The following BOLL variants were observed in gnomAD, a reference collection of about 807,000 sequenced individuals.
BOLL encodes protein boule-like.
A neutral mutation model predicts 44.4 loss-of-function variants in BOLL; 23 were observed. The observed-to-expected ratio is 0.52, with a 90% CI of 0.37 to 0.73. BOLL has a LOEUF of 0.73. BOLL is among the 30% of genes least tolerant of loss of function. The probability of loss-of-function intolerance (pLI) is 0.00; values close to 1 mark genes in which losing one functional copy is unlikely to be tolerated. For synonymous variants in BOLL, 97 were observed against 110.8 expected (o/e 0.88, Z 0.78); for missense variants, 287 against 338.3 (o/e 0.85, Z 1.19).
intron 7 of BOLL, among the ~76,000 whole-genome samples, chr2:197,760,646 T>C (rs1386068969): frequency 6.6e-6 from 1 of 152,110 alleles, no homozygotes; most frequent in African/African-American, 2.4e-5. Flanking sequence ...ACCATTGTCA[T>C]AGACTCTCTT....
chr2:197,742,111 G>C (rs1263786169), intron 10 of BOLL, among the ~76,000 whole-genome samples: 1 of 152,184 alleles, frequency 6.6e-6, no homozygotes, highest in Admixed American at 6.5e-5. Context: ...AAACCACAAT[G>C]AGATACCATC....
chr2:197,769,742 C>G (rs1267969585), intron 6 of BOLL, among the ~76,000 whole-genome samples: 2 of 152,106 alleles, frequency 1.3e-5, no homozygotes, highest in African/African-American at 4.8e-5. Flanking sequence ...GGTGAACGCC[C>G]ATTCACAATT....
rs114327406 is a variant in BOLL at position 197,762,557 on chromosome 2, T to C, written c.552+3975A>G. Among the ~76,000 whole-genome samples, 92 of 152,194 alleles carry C rather than the reference T, an allele frequency of 6.0e-4. 1 individual carries two copies. The highest frequency in any genetic ancestry group is 2.2e-3 in the African/African-American group (92 of 41,540). ...AAAAACTGAAATTATATAAAGTATC[T>C]TATCTGACCACAATGGAATAAAACA... On this transcript the variant is annotated intron_variant, in intron 7 of 10. Coordinates refer to ENST00000392296, the MANE Select transcript of BOLL (RefSeq NM_033030.6).
rs1687830805 is a variant in BOLL, at chr2:197,743,080, A to AT, written c.808dup (p.Met270AsnfsTer4). 1 of 1,599,182 alleles carries AT rather than the reference A, an allele frequency of 6.3e-7. No homozygotes were observed. Among genetic ancestry groups the AT allele is most frequent in the Non-Finnish European group, 8.5e-7 (1 of 1,173,554 alleles). ...TCTTACTTTAATTGGCTCAGGCTGC[A>AT]TCACAGGCGCAGGCATAGTGATGGC... On this transcript the variant is annotated frameshift_variant, in exon 10 of 11. Transcript: ENST00000392296. LOFTEE classifies it high-confidence loss of function.
chr2:197,769,709 GACAA>G (rs1158203603), intron 6 of BOLL, among the ~76,000 whole-genome samples: 2 of 152,032 alleles, frequency 1.3e-5, no homozygotes, highest in Admixed American at 6.6e-5. Context: ...CACAATAACA[GACAA>G]ACAGAGAGCC....
Position 197,775,677 on chromosome 2 carries a change from CTTG to C in BOLL, c.337_339del (p.Gln113del), listed in dbSNP as rs1461057321. On this transcript the variant is annotated inframe_deletion, in exon 5 of 11. Transcript: ENST00000392296. ...TCTCAATACATACGAGGGATCCCTA[CTTG>C]TTGTTTTCTTATTGCTGGACCAATG... 6.4e-7 allele frequency: 1 copy of C among 1,563,712 alleles called. No individual in the cohort carries two copies. The highest frequency in any genetic ancestry group is 8.7e-7 in the Non-Finnish European group (1 of 1,152,452).
intron 10 of BOLL, among the ~76,000 whole-genome samples, chr2:197,740,868 A>C (rs1687698711): frequency 1.3e-5 from 2 of 152,148 alleles, no homozygotes; most frequent in Non-Finnish European, 2.9e-5. Flanking sequence ...TTGTACACTT[A>C]ACAATGGTTG....
chr2:197,757,463 A>C (rs1258921167), intron 7 of BOLL, 63 bp from the exon 8 acceptor site: 1 of 1,419,692 alleles, frequency 7.0e-7, no homozygotes, highest in African/African-American at 1.4e-5. Flanking sequence ...AAAACTAGAT[A>C]TCTACAGGCA....
At position 197,757,413 on chromosome 2, in the gene BOLL, A is replaced by T; in HGVS notation, c.553-13T>A. 6.2e-7 allele frequency: 1 copy of T among 1,602,740 alleles called. No homozygotes were observed. The highest frequency in any genetic ancestry group is 8.5e-7 in the Non-Finnish European group (1 of 1,175,132). ...ACTGTGTGGTGGCCTAAAATTAAAT[A>T]AAAGAAAAGAAAAACCCATTCTGAT... On this transcript the variant is annotated splice_polypyrimidine_tract_variant and intron_variant, in intron 7 of 10. Transcript: ENST00000392296.
intron 9 of BOLL, among the ~76,000 whole-genome samples, chr2:197,744,330 A>C (rs1039279401): frequency 2.0e-5 from 3 of 152,248 alleles, no homozygotes; most frequent in Admixed American, 6.5e-5. Context: ...AGAATGGAGA[A>C]TCAAATACAA....
chr2:197,734,752 T>A (rs1687399483), intron 10 of BOLL, among the ~76,000 whole-genome samples: 1 of 152,042 alleles, frequency 6.6e-6, no homozygotes, highest in African/African-American at 2.4e-5. Flanking sequence ...AGGTGGGAAT[T>A]GAACAATGAG....
chr2:197,779,453 T>C (rs1359568340), intron 2 of BOLL, among the ~76,000 whole-genome samples: 1 of 151,972 alleles, frequency 6.6e-6, no homozygotes, highest in Non-Finnish European at 1.5e-5. Context: ...GAGACAGTCA[T>C]GGCAGTGGAA....
chr2:197,765,989 C>A (rs1386940088), intron 7 of BOLL, among the ~76,000 whole-genome samples: 1 of 152,008 alleles, frequency 6.6e-6, no homozygotes, highest in African/African-American at 2.4e-5. Flanking sequence ...GGATAATGGC[C>A]TCTGGCTCCA....
chr2:197,782,181 G>C (rs1241411114), intron 1 of BOLL, among the ~76,000 whole-genome samples: 1 of 152,118 alleles, frequency 6.6e-6, no homozygotes, highest in Non-Finnish European at 1.5e-5. Flanking sequence ...GTTTGAGAAA[G>C]AGAAAACAGT....
At chr2:197,743,494 C>T (rs1177137373) in intron 9 of BOLL, among the ~76,000 whole-genome samples, 1 of 152,030 alleles carries the variant, frequency 6.6e-6, no homozygotes, top group Non-Finnish European at 1.5e-5. Flanking sequence ...ATATAGAATA[C>T]AAGGAAAGCT....
At chr2:197,779,928 A>G (rs1689690621) in intron 2 of BOLL, among the ~76,000 whole-genome samples, 1 of 152,024 alleles carries the variant, frequency 6.6e-6, no homozygotes, top group Admixed American at 6.6e-5. Flanking sequence ...GTGCAGAGCT[A>G]TGCCTTTTGA....
chr2:197,734,482 T>C (rs1041507342), intron 10 of BOLL, among the ~76,000 whole-genome samples: 3 of 152,228 alleles, frequency 2.0e-5, no homozygotes, highest in Admixed American at 1.3e-4. Flanking sequence ...CAAAGGGTTA[T>C]AAATCATGCT....
chr2:197,743,731 A>G (rs1687865075), intron 9 of BOLL, among the ~76,000 whole-genome samples: 1 of 152,236 alleles, frequency 6.6e-6, no homozygotes, highest in Non-Finnish European at 1.5e-5. Flanking sequence ...TTTTAGTAAT[A>G]CCTTTTATTT....
rs768166327 is a variant in BOLL, at chr2:197,775,729, A to T, written c.288T>A (p.Leu96=). ...AQKILQEAEK[L]NYKDKKLNIG... Reference sequence around the variant, plus strand: ...TGTTCAGCTTCTTATCCTTATAATTAAGTTTTTCAGCCTAAAATAAAGAAA... The same window carrying T: ...TGTTCAGCTTCTTATCCTTATAATTTAGTTTTTCAGCCTAAAATAAAGAAA... The change falls in exon 5 of 11, where the codon CTT becomes CTA. Residue 96 remains leucine, a synonymous_variant. Coordinates refer to ENST00000392296, the MANE Select transcript of BOLL (RefSeq NM_033030.6). 66 of 1,534,592 alleles carry T rather than the reference A, an allele frequency of 4.3e-5. No individual in the cohort carries two copies. Among genetic ancestry groups the T allele is most frequent in the Non-Finnish European group, 5.7e-5 (65 of 1,137,332 alleles).
Sources: gnomAD v4.1 joint callset for allele counts (sites outside exome capture counted in the v4.1 genomes callset) on GRCh38, gnomAD v4.1.1 for gene constraint, MANE v1.5 for transcripts, NCBI Gene and HGNC (gene_info 2026-07-23, HGNC 2026-07-21) for gene names.